DISC1: variants seen among roughly 807,000 people sequenced by gnomAD.
The protein encoded by DISC1 is disrupted in schizophrenia 1 protein.
DISC1 carries 57 observed loss-of-function variants against 84.5 expected under a neutral mutation model. The observed-to-expected ratio is 0.67, with a 90% CI of 0.55 to 0.84. DISC1 has a LOEUF of 0.84. Among genes scored for constraint, DISC1 ranks in the 40% least tolerant of loss-of-function variants. The probability of loss-of-function intolerance (pLI) is 0.00; values close to 1 mark genes in which losing one functional copy is unlikely to be tolerated. For synonymous variants in DISC1, 411 were observed against 415.2 expected (o/e 0.99, Z 0.12); for missense variants, 1,000 against 1,057.8 (o/e 0.95, Z 0.76).
At chr1:231,945,417 G>C (rs1319657248) in intron 9 of DISC1, among the ~76,000 whole-genome samples, 1 of 152,106 alleles carries the variant, frequency 6.6e-6, no homozygotes, top group African/African-American at 2.4e-5. Context: ...AAACCAATGA[G>C]AACAAAGACA....
intron 1 of DISC1, among the ~76,000 whole-genome samples, chr1:231,685,391 C>A (rs2064143355): frequency 1.3e-5 from 2 of 152,200 alleles, no homozygotes; most frequent in East Asian, 3.9e-4. Flanking sequence ...ACTTACAGTT[C>A]CACATGGCTG....
Position 231,958,834 on chromosome 1 carries a change from G to A in DISC1, c.1988G>A (p.Ser663Asn), listed in dbSNP as rs201138012. 111 of 1,613,672 alleles carry A rather than the reference G, an allele frequency of 6.9e-5. No individual in the cohort carries two copies. The African/African-American group carries it at 1.2e-3, about 17-fold the overall frequency. The change falls in exon 10 of 13, where the codon AGT becomes AAT. Residue 663 changes from serine (S) to asparagine (N), a missense_variant. By Grantham distance (46) the Ser-to-Asn change is conservative (BLOSUM62 1). Around this residue, in one of 3 missense-constraint regions of DISC1, gnomAD observed 397 missense variants for 377.5 expected, o/e 1.05. Coordinates refer to ENST00000439617, the MANE Select transcript of DISC1 (RefSeq NM_018662.3). ...VEHQETAYET[S>N]VKENTMKYME... ...TTTCCTTTTTTTCCCCCAGAAACAA[G>A]TGTGAAGGAAAATACTATGAAGTAC...
chr1:231,990,068 C>T (rs1173816955), intron 10 of DISC1, among the ~76,000 whole-genome samples: 1 of 152,106 alleles, frequency 6.6e-6, no homozygotes. Context: ...CCAACTCTTT[C>T]CACTTCATCA....
intron 9 of DISC1, among the ~76,000 whole-genome samples, chr1:231,913,508 C>T (rs772278641): frequency 7.9e-5 from 12 of 152,240 alleles, no homozygotes; most frequent in Non-Finnish European, 1.6e-4. Flanking sequence ...GTGAGGCAGC[C>T]GAGGTGCCTG....
intron 10 of DISC1, among the ~76,000 whole-genome samples, chr1:232,001,354 C>T (rs1666666584): frequency 6.6e-6 from 1 of 152,184 alleles, no homozygotes; most frequent in East Asian, 1.9e-4. Flanking sequence ...GCTGGGATTA[C>T]ACACGTGAGC....
In DISC1 at chr1:231,630,258, A is replaced by C. The variant is rs1190053822; in HGVS notation, c.67+3324A>C. ...AAACAAGATTTAAAGACCAGCACACAAAGTTTCTGAGTACAAAAAAAGGTA... is the reference window on the plus strand; with the variant it reads ...AAACAAGATTTAAAGACCAGCACACCAAGTTTCTGAGTACAAAAAAAGGTA... On this transcript the variant is annotated intron_variant, in intron 1 of 12. Transcript: ENST00000439617. This position sits in a 1 kb window ranked among gnomAD's most constrained non-coding sequence, Gnocchi z 4.4. Among the ~76,000 whole-genome samples the C allele has an allele frequency of 6.6e-6, 1 of 152,188 alleles. No homozygotes were observed. The highest frequency in any genetic ancestry group is 2.4e-5 in the African/African-American group (1 of 41,444).
At chr1:231,837,350 A>T (rs917849524) in intron 9 of DISC1, among the ~76,000 whole-genome samples, 1 of 152,196 alleles carries the variant, frequency 6.6e-6, no homozygotes, top group African/African-American at 2.4e-5. Context: ...GGGAGACATG[A>T]TATTTTTTAT....
chr1:232,001,528 GAT>G (rs1330945010), intron 10 of DISC1, among the ~76,000 whole-genome samples: 1 of 152,134 alleles, frequency 6.6e-6, no homozygotes, highest in African/African-American at 2.4e-5. Context: ...TATACAAAGA[GAT>G]ATAATCCAAC....
chr1:232,022,457 A>G (rs113498753), intron 11 of DISC1, among the ~76,000 whole-genome samples: 15,067 of 151,934 alleles, frequency 0.099, 1,254 homozygotes, highest in East Asian at 0.43. Context: ...ACAGGCCTGC[A>G]CCACCACACC....
At chr1:231,883,599 G>T (rs2086453113) in intron 9 of DISC1, among the ~76,000 whole-genome samples, 1 of 152,180 alleles carries the variant, frequency 6.6e-6, no homozygotes, top group Non-Finnish European at 1.5e-5. Context: ...AGCAAGGTGG[G>T]AGGTCATATT....
At chr1:231,740,958 C>T (rs1372621989) in intron 3 of DISC1, among the ~76,000 whole-genome samples, 1 of 152,196 alleles carries the variant, frequency 6.6e-6, no homozygotes, top group African/African-American at 2.4e-5. Flanking sequence ...ATTAGAGATG[C>T]TCAACCTGTA....
chr1:231,686,276 G>T (rs576046454), intron 1 of DISC1, among the ~76,000 whole-genome samples: 4 of 152,342 alleles, frequency 2.6e-5, no homozygotes, highest in East Asian at 3.9e-4. Flanking sequence ...CCCTTCCTCT[G>T]CCCTAGCAGA....
chr1:231,889,154 C>T (rs191732770), intron 9 of DISC1, among the ~76,000 whole-genome samples: 1 of 152,256 alleles, frequency 6.6e-6, no homozygotes, highest in Admixed American at 6.5e-5. Context: ...GCAGAAAGCA[C>T]CTGAGTTGAC....
chr1:231,726,405 A>C (rs2070704621), intron 3 of DISC1, among the ~76,000 whole-genome samples: 1 of 152,130 alleles, frequency 6.6e-6, no homozygotes, highest in East Asian at 1.9e-4. Context: ...CTGGAGGAGC[A>C]GAGCAAATGA....
intron 9 of DISC1, among the ~76,000 whole-genome samples, chr1:231,907,545 AT>A (rs1484862783): frequency 1.3e-5 from 2 of 152,160 alleles, no homozygotes; most frequent in East Asian, 3.9e-4. Context: ...CATAGTGTAT[AT>A]GTGCCACATT....
At chr1:232,019,195 T>C (rs200386024) in intron 11 of DISC1, among the ~76,000 whole-genome samples, 9 of 152,066 alleles carry the variant, frequency 5.9e-5, no homozygotes, top group Non-Finnish European at 1.3e-4. Flanking sequence ...AGATTCGGGA[T>C]TGAAGCGTTC....
chr1:231,645,781 C>T (rs370762349), intron 1 of DISC1, among the ~76,000 whole-genome samples: 20 of 152,082 alleles, frequency 1.3e-4, no homozygotes, highest in South Asian at 4.2e-4. Flanking sequence ...TCTGTCCTTG[C>T]GATAGTTTGC....
chr1:231,958,850 T>A lies in DISC1; in HGVS notation c.2004T>A (p.Thr668=). 1 of 1,613,822 alleles carries A rather than the reference T, an allele frequency of 6.2e-7. No individual in the cohort carries two copies. The highest frequency in any genetic ancestry group is 1.1e-5 in the South Asian group (1 of 90,982). The part of the protein sequence containing the change: ...TAYETSVKEN[T]MKYMETLKNK... ...CAGAAACAAGTGTGAAGGAAAATAC[T>A]ATGAAGTACATGGAAACACTTAAGA... The change falls in exon 10 of 13, where the codon ACT becomes ACA. Residue 668 remains threonine, a synonymous_variant. Coordinates refer to ENST00000439617, the MANE Select transcript of DISC1 (RefSeq NM_018662.3).
At chr1:231,762,195 T>TTTCTTTTCTC (rs2075747736) in intron 4 of DISC1, among the ~76,000 whole-genome samples, 1 of 25,188 alleles carries the variant, frequency 4.0e-5, no homozygotes, top group African/African-American at 9.5e-5. Context: ...TTTTCTTTCT[T>TTTCTTTTCTC]TTCTTTTCTT....
Sources: allele counts gnomAD v4.1 joint callset (sites outside exome capture counted in the v4.1 genomes callset), GRCh38; gene constraint gnomAD v4.1.1; regional missense constraint gnomAD v4.1.1; non-coding constraint Gnocchi (gnomAD v3.1); transcripts MANE v1.5; gene names NCBI Gene and HGNC (gene_info 2026-07-23, HGNC 2026-07-21).